RPL38: variants seen among roughly 807,000 people sequenced by gnomAD.
The protein encoded by RPL38 is large ribosomal subunit protein eL38.
In RPL38, 2 loss-of-function variants were observed where a neutral mutation model predicts 12.8. The observed-to-expected ratio is 0.16, with a 90% CI of 0.06 to 0.49. The LOEUF is 0.49. Ranked by LOEUF, RPL38 falls within the 20% of genes least tolerant of loss-of-function variation. The pLI is 0.96. For synonymous variants in RPL38, 42 were observed against 30.1 expected, an observed-to-expected ratio of 1.39 and a Z score of -1.29; for missense variants, 52 against 79.8, an observed-to-expected ratio of 0.65 and a Z score of 1.33.
rs1156300712 is a variant in RPL38, at chr17:74,209,995, T to TTC, written c.*167_*168insCT. 1 of 571,862 alleles carries TTC rather than the reference T, an allele frequency of 1.7e-6. No homozygotes were observed. The highest frequency in any genetic ancestry group is 2.0e-5 in the African/African-American group (1 of 50,630). 35.4% of individuals were successfully genotyped at this position (571,862 alleles called of 1,614,324 possible). On this transcript the variant is annotated 3_prime_UTR_variant, in exon 5 of 5. Transcript: ENST00000311111. The stretch of plus-strand genomic sequence containing the variant: ...TCCTGTGTCTTTTTTTTTTTTTTTT[T>TTC]TTCTTTCTTTGAGACGGAGTCTTGC...
chr17:74,206,306 G>T (rs1465632743), intron 3 of RPL38: 2 of 151,682 alleles, frequency 1.3e-5, no homozygotes, highest in Non-Finnish European at 2.9e-5. Flanking sequence ...TTAGCCGGGC[G>T]TGTGCTGGTG....
At chr17:74,205,821 A>G (rs1411998779) in intron 3 of RPL38, 1 of 152,152 alleles carries the variant, frequency 6.6e-6, no homozygotes, top group Non-Finnish European at 1.5e-5. Flanking sequence ...GGAGTTCAAG[A>G]CCAACCTGGG....
At chr17:74,209,542 A>G in intron 4 of RPL38, 1 of 641,928 alleles carries the variant, frequency 1.6e-6, no homozygotes. Flanking sequence ...AATCCTGTTC[A>G]CGACCCTTCG....
intron 3 of RPL38, among the ~76,000 whole-genome samples, chr17:74,206,695 C>A (rs2050116822): frequency 1.4e-5 from 2 of 141,310 alleles, no homozygotes; most frequent in South Asian, 4.5e-4. Flanking sequence ...GAATTGCCTT[C>A]TGTTTTTTCT....
intron 1 of RPL38, 63 bp downstream of exon 1, chr17:74,203,808 CGGGGAGGAGAA>C: frequency 9.9e-7 from 1 of 1,013,722 alleles, no homozygotes; most frequent in Non-Finnish European, 1.4e-6. Flanking sequence ...TGGAGGGTGT[CGGGGAGGAGAA>C]GGGGAGTGCG....
intron 4 of RPL38, 127 bp downstream of exon 4, chr17:74,209,436 C>T (rs2050144693): frequency 9.3e-7 from 1 of 1,077,402 alleles, no homozygotes; most frequent in East Asian, 2.4e-5. Context: ...AGAATCTGCT[C>T]TTGCTGTTGG....
intron 3 of RPL38, chr17:74,205,262 C>T (rs1465196675): frequency 6.6e-6 from 1 of 152,192 alleles, no homozygotes; most frequent in Non-Finnish European, 1.5e-5. Flanking sequence ...GTGTTTGATA[C>T]AAGCTAGGTC....
At chr17:74,204,942 C>T (rs1326316707) in intron 3 of RPL38, 2 of 152,226 alleles carry the variant, frequency 1.3e-5, no homozygotes, top group Non-Finnish European at 2.9e-5. Context: ...GCCTCCGCCT[C>T]CCAGAGTGCT....
At chr17:74,208,267 T>G (rs2050133139) in intron 3 of RPL38, among the ~76,000 whole-genome samples, 1 of 152,144 alleles carries the variant, frequency 6.6e-6, no homozygotes, top group Non-Finnish European at 1.5e-5. Flanking sequence ...TAACTACTCC[T>G]GGGAAGGGGT....
chr17:74,209,885 CTT>C lies in RPL38; in HGVS notation c.*58_*59del. ...TTAAAATACTAAAAATCCTAAGTGTCTTTCGTCTTTGCGGATGGGAAAGGGAA... is the reference window on the plus strand; with the variant it reads ...TTAAAATACTAAAAATCCTAAGTGTCTCGTCTTTGCGGATGGGAAAGGGAA... On this transcript the variant is annotated 3_prime_UTR_variant, in exon 5 of 5. Transcript: ENST00000311111. The C allele has an allele frequency of 6.8e-7, 1 of 1,479,120 alleles. No homozygotes were observed. The highest frequency in any genetic ancestry group is 9.4e-7 in the Non-Finnish European group (1 of 1,059,622). The allele number at this position is 1,479,120 out of a possible 1,614,324, so 91.6% of individuals were successfully genotyped here. A position where few individuals can be genotyped will look rare whatever the true frequency, so the allele number is the denominator to read the frequency against.
At chr17:74,205,884 G>A (rs1445056399) in intron 3 of RPL38, 5 of 152,172 alleles carry the variant, frequency 3.3e-5, no homozygotes. Flanking sequence ...GCCAGGCATG[G>A]TGGCACACGC....
chr17:74,208,230 A>G (rs2050132634), intron 3 of RPL38, among the ~76,000 whole-genome samples: 1 of 152,196 alleles, frequency 6.6e-6, no homozygotes, highest in Non-Finnish European at 1.5e-5. Flanking sequence ...GAGTTGGAAC[A>G]AGGCATTCAG....
intron 3 of RPL38, 158 bp downstream of exon 3, chr17:74,204,348 G>T (rs1427411583): frequency 3.1e-6 from 2 of 644,740 alleles, no homozygotes; most frequent in Admixed American, 5.7e-5. Flanking sequence ...CCATGAGAAA[G>T]ACCTGTGGGG....
chr17:74,208,190 T>C (rs2050132297), intron 3 of RPL38, among the ~76,000 whole-genome samples: 1 of 152,168 alleles, frequency 6.6e-6, no homozygotes, highest in South Asian at 2.1e-4. Context: ...TTATAACAAA[T>C]CCTGGGAGTA....
At chr17:74,206,582 C>G (rs1389765769) in intron 3 of RPL38, among the ~76,000 whole-genome samples, 1 of 152,124 alleles carries the variant, frequency 6.6e-6, no homozygotes, top group Non-Finnish European at 1.5e-5. Context: ...TCCAATTTGT[C>G]CCTGAATGTG....
chr17:74,206,522 C>T (rs868192529), intron 3 of RPL38, among the ~76,000 whole-genome samples: 12 of 149,078 alleles, frequency 8.0e-5, no homozygotes, highest in Admixed American at 4.6e-4. Context: ...CTGAAACTCC[C>T]TCTGTTAAAC....
At chr17:74,209,412 C>T (rs977007137) in intron 4 of RPL38, 103 bp downstream of exon 4, 9 of 1,354,176 alleles carry the variant, frequency 6.6e-6, no homozygotes, top group East Asian at 2.3e-5. Context: ...TTTCAGAGCC[C>T]ATTTTATGGT....
chr17:74,208,821 G>T (rs1190201944), intron 3 of RPL38, among the ~76,000 whole-genome samples: 1 of 152,126 alleles, frequency 6.6e-6, no homozygotes, highest in Non-Finnish European at 1.5e-5. Flanking sequence ...TGTAATCCCA[G>T]CTACTCCAGG....
In RPL38 at chr17:74,209,814, G is replaced by C; in HGVS notation, c.198G>C (p.Val66=). The C allele has an allele frequency of 4.3e-6, 7 of 1,612,614 alleles. No homozygotes were observed. The highest frequency in any genetic ancestry group is 1.7e-4 in the Middle Eastern group (1 of 6,058). ...LKQSLPPGLA[V]KELK is the part of the protein sequence containing the mutation. The stretch of plus-strand genomic sequence containing the variant: ...TCTCTTTCCCTCTAGGTTTGGCAGT[G>C]AAGGAACTGAAATGAACCAGACACA... The change falls in exon 5 of 5, where the codon GTG becomes GTC. Residue 66 remains valine, a synonymous_variant. Transcript: ENST00000311111.
Sources: allele counts gnomAD v4.1 joint callset (sites outside exome capture counted in the v4.1 genomes callset), GRCh38; gene constraint gnomAD v4.1.1; transcripts MANE v1.5; gene names NCBI Gene and HGNC (gene_info 2026-07-23, HGNC 2026-07-21).